PODNL1: variants seen among roughly 807,000 people sequenced by gnomAD.
The protein encoded by PODNL1 is podocan-like protein 1.
In PODNL1, 50 loss-of-function variants were observed where a neutral mutation model predicts 45.1. That is an observed-to-expected ratio of 1.11 (90% CI 0.88 to 1.40). The LOEUF (loss-of-function observed/expected upper bound fraction) is 1.40. Among genes scored for constraint, PODNL1 ranks in the 40% most tolerant of loss-of-function variants. The pLI, the probability that PODNL1 is intolerant of heterozygous loss-of-function variation, is 0.00. For missense variants in PODNL1, 788 were observed against 793.3 expected (o/e 0.99, Z 0.08); for synonymous variants, 406 against 372.5 (o/e 1.09, Z -1.04).
At chr19:13,951,661 C>G (rs1314008251) in intron 1 of PODNL1, among the ~76,000 whole-genome samples, 1 of 152,124 alleles carries the variant, frequency 6.6e-6, no homozygotes, top group Non-Finnish European at 1.5e-5. Context: ...GTAGTCCTAG[C>G]TACATGAGAG....
chr19:13,933,849 G>C lies in PODNL1; in HGVS notation c.767+29C>G, dbSNP rs2145415017. ...TGGGACCCCCGACTGTAAATTCTCA[G>C]CCCCTGCTGCCCCCCAACCAGCCTG... On this transcript the variant is annotated intron_variant, in intron 7 of 9. Coordinates refer to ENST00000588872, the MANE Select transcript of PODNL1 (RefSeq NM_001370095.3). This position sits in a 1 kb window ranked among gnomAD's most constrained non-coding sequence, Gnocchi z 5.2. 1.3e-6 allele frequency: 2 copies of C among 1,554,934 alleles called. No homozygotes were observed. Among genetic ancestry groups the C allele is most frequent in the Middle Eastern group, 2.2e-4 (1 of 4,604 alleles).
Position 13,934,335 on chromosome 19 carries a change from G to C in PODNL1, c.570C>G (p.Ile190Met). Reference protein sequence around the residue: ...PPDAFRGSEAIATLSLSNNQL... With the variant: ...PPDAFRGSEAMATLSLSNNQL... ...GGTTGTTGGAGAGGCTGAGGGTGGC[G>C]ATGGCCTCGGAGCCGCGGAAGGCGT... The change falls in exon 6 of 10, where the codon ATC (isoleucine) becomes ATG (methionine). Residue 190 changes from isoleucine to methionine, a missense_variant. By Grantham distance (10) the Ile-to-Met change is conservative. Coordinates refer to ENST00000588872, the MANE Select transcript of PODNL1 (RefSeq NM_001370095.3). The C allele has an allele frequency of 1.3e-6, 2 of 1,554,778 alleles. No homozygotes were observed. The highest frequency in any genetic ancestry group is 1.7e-6 in the Non-Finnish European group (2 of 1,154,606).
At chr19:13,941,792 G>A (rs1043992263), upstream of PODNL1, among the ~76,000 whole-genome samples, 2 of 152,220 alleles carry the variant, frequency 1.3e-5, no homozygotes, top group East Asian at 1.9e-4. Context: ...CAGCCTGGGC[G>A]ACAGTGCAAG....
chr19:13,946,680 G>T (rs960346057), intron 1 of PODNL1, among the ~76,000 whole-genome samples: 3 of 152,082 alleles, frequency 2.0e-5, no homozygotes, highest in Non-Finnish European at 2.9e-5. Flanking sequence ...TGGTCTAAAT[G>T]CACCTGTATA....
rs1177219736 is a variant in PODNL1 at position 13,932,977 on chromosome 19, G to A, written c.1246C>T (p.Leu416=). The change falls in exon 8 of 10, where the codon CTG becomes TTG. Residue 416 remains leucine, a synonymous_variant. Transcript: ENST00000588872. ...LDLAGNQLTR[L]PMGLPTGLRT... ...AGGCCAGTGGGCAGGCCCATGGGCA[G>A]CCGGGTTAGCTGATTCCCTGCCAGG... 3 of 1,552,296 alleles carry A rather than the reference G, an allele frequency of 1.9e-6. No individual in the cohort carries two copies. Among genetic ancestry groups the A allele is most frequent in the South Asian group, 1.2e-5 (1 of 85,686 alleles).
chr19:13,938,301 T>C lies in PODNL1; in HGVS notation c.-120A>G, dbSNP rs1255731672. 29 of 1,463,692 alleles carry C rather than the reference T, an allele frequency of 2.0e-5. No homozygotes were observed. The highest frequency in any genetic ancestry group is 5.7e-5 in the African/African-American group (4 of 70,432). The allele number at this position is 1,463,692 out of a possible 1,614,324, so 90.7% of individuals were successfully genotyped here. ...CCACCGCCCCCCATCTCCAGACCCA[T>C]GCCACCCCCCACAACAGCCTGTTCT... On this transcript the variant is annotated 5_prime_UTR_variant, in exon 1 of 10. The change abolishes an upstream ATG in the 5' untranslated region. Transcript: ENST00000588872.
chr19:13,950,096 A>G (rs997165482), intron 1 of PODNL1, among the ~76,000 whole-genome samples: 1 of 151,360 alleles, frequency 6.6e-6, no homozygotes, highest in Non-Finnish European at 1.5e-5. Context: ...TCTCAGTCTC[A>G]TGACCTTGTG....
At position 13,935,752 on chromosome 19, in the gene PODNL1, G is replaced by A. The variant is rs749335730; in HGVS notation, c.463C>T (p.Pro155Ser). ...LAANQVMEIFPLTFGEKPALR... is the reference protein window; with the variant it reads ...LAANQVMEIFSLTFGEKPALR... ...GCCGGCTTCTCCCCAAAGGTGAGGGGGAAGATCTCCATCACTTGGTTGGCA... is the reference window on the plus strand; with the variant it reads ...GCCGGCTTCTCCCCAAAGGTGAGGGAGAAGATCTCCATCACTTGGTTGGCA... The change falls in exon 5 of 10, where the codon CCC becomes TCC. Residue 155 changes from proline (P) to serine (S), a missense_variant. Physicochemically the swap from Pro to Ser is moderately conservative, Grantham distance 74. Transcript: ENST00000588872. 1.3e-6 allele frequency: 2 copies of A among 1,591,570 alleles called. No individual in the cohort carries two copies. The highest frequency in any genetic ancestry group is 1.7e-6 in the Non-Finnish European group (2 of 1,172,422).
chr19:13,938,332 G>A lies in PODNL1; in HGVS notation c.-151C>T. The A allele has an allele frequency of 7.0e-7, 1 of 1,427,358 alleles. No individual in the cohort carries two copies. The highest frequency in any genetic ancestry group is 9.2e-7 in the Non-Finnish European group (1 of 1,088,246). 88.4% of individuals were successfully genotyped at this position (1,427,358 alleles called of 1,614,324 possible). A position where few individuals can be genotyped will look rare whatever the true frequency, so the allele number is the denominator to read the frequency against. On this transcript the variant is annotated 5_prime_UTR_variant, in exon 1 of 10. Transcript: ENST00000588872. Reference sequence around the variant, plus strand: ...CCCCCACAACAGCCTGTTCTCCCGGGGCTTTGGGGGAGCTGGCCCACCCCC... The same window carrying A: ...CCCCCACAACAGCCTGTTCTCCCGGAGCTTTGGGGGAGCTGGCCCACCCCC...
rs141266867 is a variant in PODNL1 at position 13,949,855 on chromosome 19, C to T, written c.18+3264G>A. 7.1e-3 allele frequency among the ~76,000 whole-genome samples: 1,069 copies of T among 150,446 alleles called. 10 individuals are homozygous for T. Among genetic ancestry groups the T allele is most frequent in the African/African-American group, 0.02 (799 of 40,616 alleles). On this transcript the variant is annotated intron_variant, in intron 1 of 7. Coordinates refer to the PODNL1 transcript ENST00000538371. ...ACTGTAGGTTCACGCCACCACACTC[C>T]GCTAAATTATTTATTTATTTTTTTT...
chr19:13,940,320 C>T (rs1039531090), upstream of PODNL1, among the ~76,000 whole-genome samples: 1 of 151,568 alleles, frequency 6.6e-6, no homozygotes. Flanking sequence ...ACCTGTAATC[C>T]CAGCACTTTG....
In PODNL1 at chr19:13,931,656, C is replaced by T; in HGVS notation, c.*81G>A. On this transcript the variant is annotated 3_prime_UTR_variant, in exon 10 of 10. Transcript: ENST00000588872. ...AGGCCCAGGAGAGCCAGACCAAGGG[C>T]CCCTGGTGGGCGTTGTCTCCTCAGT... 1 of 1,220,960 alleles carries T rather than the reference C, an allele frequency of 8.2e-7. No individual in the cohort carries two copies. Among genetic ancestry groups the T allele is most frequent in the Non-Finnish European group, 1.0e-6 (1 of 978,810 alleles). The allele number at this position is 1,220,960 out of a possible 1,614,324, so 75.6% of individuals were successfully genotyped here.
intron 1 of PODNL1, among the ~76,000 whole-genome samples, chr19:13,947,602 G>A (rs1441440931): frequency 2.0e-5 from 3 of 152,060 alleles, no homozygotes; most frequent in African/African-American, 4.8e-5. Flanking sequence ...TGTCAGAAGC[G>A]AAGGATTGAG....
chr19:13,932,750 G>A (rs576645532), intron 8 of PODNL1, 48 bp downstream of exon 8: 1 of 1,612,524 alleles, frequency 6.2e-7, no homozygotes. Context: ...GCAGGCAGGG[G>A]GATGGAGGGG....
chr19:13,936,079 G>A (rs1209969259), intron 3 of PODNL1, 35 bp from the exon 4 acceptor site: 9 of 1,523,608 alleles, frequency 5.9e-6, no homozygotes, highest in Non-Finnish European at 8.0e-6. Flanking sequence ...GGGACCCCAG[G>A]CCTGTCTTGG....
chr19:13,952,417 A>G (rs1053790453), intron 1 of PODNL1: 2 of 1,234,740 alleles, frequency 1.6e-6, no homozygotes, highest in African/African-American at 1.6e-5. Flanking sequence ...CTTTCGCCCA[A>G]CCGGCGGGCC....
In PODNL1 at chr19:13,936,040, C is replaced by T. The variant is rs1406827267; in HGVS notation, c.324G>A (p.Leu108=). 12 of 1,550,252 alleles carry T rather than the reference C, an allele frequency of 7.7e-6. No homozygotes were observed. The highest frequency in any genetic ancestry group is 1.0e-5 in the Non-Finnish European group (12 of 1,147,700). ...LHNNLISSEG[L]PDEAFESLTQ... ...TGAGGGACTCGAAGGCCTCGTCAGG[C>T]AGGCCTGGGAGAGTAGGGGGGCAGT... Residue 108 remains leucine (L), a synonymous_variant, in exon 4 of 10, where the codon CTG becomes CTA. Transcript: ENST00000588872.
intron 1 of PODNL1, among the ~76,000 whole-genome samples, chr19:13,947,969 C>T (rs999933099): frequency 1.3e-5 from 2 of 152,158 alleles, no homozygotes; most frequent in African/African-American, 4.8e-5. Context: ...AAGCGATCCT[C>T]TCACCTCAGC....
rs115411482 is a variant in PODNL1 at position 13,934,162 on chromosome 19, A to G, written c.651+92T>C. The G allele has an allele frequency of 8.0e-4, 1,128 of 1,411,146 alleles. 17 individuals are homozygous for G. The African/African-American group carries it at 0.015, about 19-fold the overall frequency. 87.4% of individuals were successfully genotyped at this position (1,411,146 alleles called of 1,614,324 possible). A position where few individuals can be genotyped will look rare whatever the true frequency, so the allele number is the denominator to read the frequency against. ...CTGACCACTGGCATTCTGAGGGGCA[A>G]TTGAGAAGAATGGAAAGCTAGGAAC... On this transcript the variant is annotated intron_variant, in intron 6 of 9. Coordinates refer to ENST00000588872, the MANE Select transcript of PODNL1 (RefSeq NM_001370095.3).
Sources: gnomAD v4.1 joint callset for allele counts (sites outside exome capture counted in the v4.1 genomes callset) on GRCh38, gnomAD v4.1.1 for gene constraint, Gnocchi (gnomAD v3.1) non-coding constraint, MANE v1.5 for transcripts, NCBI Gene and HGNC (gene_info 2026-07-23, HGNC 2026-07-21) for gene names.